CCDC92B: variants seen among roughly 807,000 people sequenced by gnomAD.
CCDC92B encodes coiled-coil domain containing 92B, also known as coiled-coil domain-containing 92B.
Under a neutral mutation model 5.6 loss-of-function variants are expected in CCDC92B, and 2 were observed. The observed-to-expected ratio is 0.36, with a 90% CI of 0.15 to 1.12. CCDC92B has a LOEUF of 1.12. Ranked by LOEUF, CCDC92B falls within the 50% of genes most tolerant of loss-of-function variation. The probability of loss-of-function intolerance (pLI) is 0.40; values close to 1 mark genes in which losing one functional copy is unlikely to be tolerated. For missense variants in CCDC92B, 271 were observed against 262.2 expected (o/e 1.03, Z -0.23); for synonymous variants, 115 against 122.3 (o/e 0.94, Z 0.39).
chr17:2,731,585 C>T (rs778983783), intron 2 of CCDC92B, among the ~76,000 whole-genome samples: 1 of 152,244 alleles, frequency 6.6e-6, no homozygotes, highest in South Asian at 2.1e-4. Context: ...CTCCTCACTG[C>T]CCTCACCGGC....
chr17:2,721,845 T>C lies in CCDC92B; in HGVS notation c.*2566A>G, dbSNP rs2070660685. The C allele has an allele frequency of 6.6e-6, 1 of 152,142 alleles. No homozygotes were observed. Among genetic ancestry groups the C allele is most frequent in the African/African-American group, 2.4e-5 (1 of 41,414 alleles). 9.4% of individuals were successfully genotyped at this position (152,142 alleles called of 1,614,324 possible). On this transcript the variant is annotated 3_prime_UTR_variant, in exon 4 of 4. Coordinates refer to ENST00000614400, the MANE Select transcript of CCDC92B (RefSeq NM_001355573.2). Reference sequence around the variant, plus strand: ...AACAATTGTCATTATCTGTGGTTGCTGGAAGAGGGATGGGAGTTGGGTGGA... The same window carrying C: ...AACAATTGTCATTATCTGTGGTTGCCGGAAGAGGGATGGGAGTTGGGTGGA...
intron 3 of CCDC92B, 52 bp from the exon 4 acceptor site, chr17:2,725,052 A>C (rs577529942): frequency 2.0e-6 from 2 of 983,952 alleles, no homozygotes; most frequent in Non-Finnish European, 2.4e-6. Context: ...CTTGGAACAG[A>C]ACCTGCACGG....
intron 3 of CCDC92B, among the ~76,000 whole-genome samples, chr17:2,725,988 CTTTTTTTTT>C (rs565583381): frequency 5.1e-5 from 4 of 78,240 alleles, no homozygotes; most frequent in Admixed American, 1.5e-4. Context: ...TTTATCACGT[CTTTTTTTTT>C]TTTTTTTTTT....
At chr17:2,736,655 C>T (rs1035512224) in intron 1 of CCDC92B, among the ~76,000 whole-genome samples, 2 of 151,546 alleles carry the variant, frequency 1.3e-5, no homozygotes, top group East Asian at 2.0e-4. Flanking sequence ...CCAAGGTCGG[C>T]GGATCACTTG....
chr17:2,738,853 C>T (rs2070886832), intron 1 of CCDC92B, among the ~76,000 whole-genome samples: 1 of 149,748 alleles, frequency 6.7e-6, no homozygotes, highest in African/African-American at 2.5e-5. Flanking sequence ...GGTGGATCAC[C>T]TGAGGTCAGG....
chr17:2,730,208 T>G (rs907105053), intron 3 of CCDC92B, among the ~76,000 whole-genome samples: 1 of 152,006 alleles, frequency 6.6e-6, no homozygotes, highest in Non-Finnish European at 1.5e-5. Flanking sequence ...TGGTGCAGGT[T>G]GTTCACTGCA....
At chr17:2,742,909 A>T (rs1011405089) in intron 1 of CCDC92B, among the ~76,000 whole-genome samples, 5 of 152,158 alleles carry the variant, frequency 3.3e-5, no homozygotes, top group African/African-American at 4.8e-5. Flanking sequence ...GTCATGTTTG[A>T]TTCCTCTCTT....
At chr17:2,739,178 T>C (rs757060042) in intron 1 of CCDC92B, among the ~76,000 whole-genome samples, 30 of 150,586 alleles carry the variant, frequency 2.0e-4, no homozygotes, top group East Asian at 1.2e-3. Flanking sequence ...CCATCCTGGC[T>C]AACATGGTAG....
intron 2 of CCDC92B, among the ~76,000 whole-genome samples, chr17:2,734,402 G>A (rs2070834664): frequency 1.3e-5 from 2 of 152,028 alleles, no homozygotes; most frequent in African/African-American, 2.4e-5. Flanking sequence ...TAGCTAGACC[G>A]AGGGCTGGGA....
rs115714721 is a variant in CCDC92B, at chr17:2,744,239, G to A, written c.-24+5172C>T. Among the ~76,000 whole-genome samples, 558 of 151,306 alleles carry A rather than the reference G, an allele frequency of 3.7e-3. 6 individuals are homozygous for A. Among genetic ancestry groups the A allele is most frequent in the African/African-American group, 0.013 (534 of 41,156 alleles). On this transcript the variant is annotated intron_variant, in intron 1 of 3. Transcript: ENST00000614400. ...GACAAGAGTTTCACTGTGTTGCCCA[G>A]GCTGACCTCGAACTTCTAGTCTCCA...
chr17:2,732,013 T>C (rs2070799350), intron 2 of CCDC92B, among the ~76,000 whole-genome samples: 2 of 152,194 alleles, frequency 1.3e-5, no homozygotes, highest in Admixed American at 1.3e-4. Context: ...GAGCCTCAGT[T>C]TTCTCGTCTG....
At chr17:2,739,133 C>T (rs189772638) in intron 1 of CCDC92B, among the ~76,000 whole-genome samples, 1,810 of 149,610 alleles carry the variant, frequency 0.012, 112 homozygotes, top group Admixed American at 0.1. Context: ...TTTGGGAGGC[C>T]AAGGTGGGCG....
At chr17:2,740,919 T>C (rs1452804214) in intron 1 of CCDC92B, among the ~76,000 whole-genome samples, 1 of 139,494 alleles carries the variant, frequency 7.2e-6, no homozygotes, top group Admixed American at 7.6e-5. Context: ...TGAGCCATGA[T>C]TGTGCCATTG....
At chr17:2,733,815 T>A (rs2070827600) in intron 2 of CCDC92B, among the ~76,000 whole-genome samples, 1 of 121,538 alleles carries the variant, frequency 8.2e-6, no homozygotes, top group Non-Finnish European at 1.6e-5. Flanking sequence ...TGGAGTACAA[T>A]GGCAACCATC....
At chr17:2,736,736 G>A (rs1458179262) in intron 1 of CCDC92B, among the ~76,000 whole-genome samples, 1 of 151,642 alleles carries the variant, frequency 6.6e-6, no homozygotes, top group African/African-American at 2.4e-5. Flanking sequence ...AAAATTAGCT[G>A]GGCGTGGTGG....
intron 1 of CCDC92B, chr17:2,748,081 C>T: frequency 1.9e-6 from 1 of 526,380 alleles, no homozygotes; most frequent in Non-Finnish European, 3.9e-6. Context: ...GCGTTTATGG[C>T]TTCTCATAAG....
At chr17:2,740,338 G>T (rs940551777) in intron 1 of CCDC92B, among the ~76,000 whole-genome samples, 1 of 151,912 alleles carries the variant, frequency 6.6e-6, no homozygotes, top group African/African-American at 2.4e-5. Context: ...ATCAAATGGA[G>T]ATTATTCTGG....
At chr17:2,747,200 C>T (rs1344269394) in intron 1 of CCDC92B, among the ~76,000 whole-genome samples, 1 of 152,152 alleles carries the variant, frequency 6.6e-6, no homozygotes, top group Non-Finnish European at 1.5e-5. Flanking sequence ...CTGGCGGGTT[C>T]TCTTGTCCCA....
At chr17:2,726,656 C>T (rs2070734985) in intron 3 of CCDC92B, among the ~76,000 whole-genome samples, 1 of 151,964 alleles carries the variant, frequency 6.6e-6, no homozygotes, top group African/African-American at 2.4e-5. Context: ...CTCTGTCACC[C>T]AGGCTGGAGT....
Sources: allele counts gnomAD v4.1 joint callset (sites outside exome capture counted in the v4.1 genomes callset), GRCh38; gene constraint gnomAD v4.1.1; transcripts MANE v1.5; gene names NCBI Gene and HGNC (gene_info 2026-07-23, HGNC 2026-07-21).